PROSER2: variants seen among roughly 807,000 people sequenced by gnomAD.
PROSER2 encodes the protein proline and serine-rich protein 2.
PROSER2 carries 18 observed loss-of-function variants against 14.6 expected under a neutral mutation model. The observed-to-expected ratio is 1.23, with a 90% CI of 0.85 to 1.83. The LOEUF (loss-of-function observed/expected upper bound fraction) is 1.83, where lower values mean the gene tolerates loss of function less well. Among genes scored for constraint, PROSER2 ranks in the 40% most tolerant of loss-of-function variants. PROSER2 has a pLI of 0.00. For missense variants in PROSER2, 823 were observed against 629.8 expected, an observed-to-expected ratio of 1.31 and a Z score of -3.28; for synonymous variants, 367 against 286.4, an observed-to-expected ratio of 1.28 and a Z score of -2.84.
At chr10:11,852,893 A>C (rs1422889399) in intron 2 of PROSER2, among the ~76,000 whole-genome samples, 1 of 52,066 alleles carries the variant, frequency 1.9e-5, no homozygotes, top group Non-Finnish European at 5.3e-5. Context: ...ACTCCTGTGC[A>C]AGTAAAGATG....
In PROSER2 at chr10:11,866,752, C is replaced by T. The variant is rs535093498; in HGVS notation, c.360C>T (p.Ala120=). The change falls in exon 3 of 4, where the codon GCC becomes GCT. Residue 120 remains alanine, a synonymous_variant. Coordinates refer to ENST00000277570, the MANE Select transcript of PROSER2 (RefSeq NM_153256.4). This position sits in a 1 kb window ranked among gnomAD's most constrained non-coding sequence, Gnocchi z 6.0. ...AGCCAGCACCTGGCGCCGGGGAAGCCGAGGGCCTTCCAGAGGGGACCCAGG... is the reference window on the plus strand; with the variant it reads ...AGCCAGCACCTGGCGCCGGGGAAGCTGAGGGCCTTCCAGAGGGGACCCAGG... ...LVQPAPGAGE[A]EGLPEGTQAA... is the part of the protein sequence containing the mutation. 5.9e-5 allele frequency: 95 copies of T among 1,612,892 alleles called. No homozygotes were observed. In the South Asian group the frequency reaches 6.8e-4, roughly 12 times the overall value.
rs558283551 is a variant in PROSER2, at chr10:11,842,931, C to CTTTTTTTTTTTTTTTTTTTTTTT, written c.-81-9061_-81-9039dup. On this transcript the variant is annotated intron_variant, in intron 1 of 3. Coordinates refer to ENST00000277570, the MANE Select transcript of PROSER2 (RefSeq NM_153256.4). ...TTTTCTATACTATTTTGCCATTGTT[C>CTTTTTTTTTTTTTTTTTTTTTTT]TTTTTTTTTTTTTTTTTTTTTTTTT... is the stretch of plus-strand genomic sequence containing the variant. 7.1e-4 allele frequency among the ~76,000 whole-genome samples: 37 copies of CTTTTTTTTTTTTTTTTTTTTTTT among 51,958 alleles called. 8 individuals are homozygous for CTTTTTTTTTTTTTTTTTTTTTTT. Among genetic ancestry groups the CTTTTTTTTTTTTTTTTTTTTTTT allele is most frequent in the East Asian group, 2.6e-3 (5 of 1,900 alleles). 34.1% of individuals were successfully genotyped at this position (51,958 alleles called of 152,430 possible).
intron 1 of PROSER2, among the ~76,000 whole-genome samples, chr10:11,834,101 TCTC>T (rs1169052462): frequency 6.7e-6 from 1 of 149,212 alleles, no homozygotes; most frequent in Non-Finnish European, 1.5e-5. Context: ...TTCAAGCGAT[TCTC>T]CTGCTTCAGG....
chr10:11,831,506 A>G (rs1998637), intron 1 of PROSER2, among the ~76,000 whole-genome samples: 96,747 of 152,016 alleles, frequency 0.64, 31,360 homozygotes, highest in Non-Finnish European at 0.7. Flanking sequence ...AGTAAAAAAC[A>G]TGCAGTGTCT....
intron 1 of PROSER2, among the ~76,000 whole-genome samples, chr10:11,829,018 A>G (rs562249127): frequency 6.6e-6 from 1 of 152,168 alleles, no homozygotes; most frequent in Non-Finnish European, 1.5e-5. Flanking sequence ...GGAATTGAGG[A>G]GTCAGTTATT....
At chr10:11,831,505 C>T (rs546545939) in intron 1 of PROSER2, among the ~76,000 whole-genome samples, 3 of 152,270 alleles carry the variant, frequency 2.0e-5, no homozygotes, top group Admixed American at 2.0e-4. Context: ...GAGTAAAAAA[C>T]ATGCAGTGTC....
chr10:11,855,946 T>C (rs763806741), intron 2 of PROSER2, among the ~76,000 whole-genome samples: 1 of 152,214 alleles, frequency 6.6e-6, no homozygotes, highest in African/African-American at 2.4e-5. Context: ...ATTTTTTTGG[T>C]AAAGAATCCT....
At position 11,869,611 on chromosome 10, in the gene PROSER2, C is replaced by T. The variant is rs777329384; in HGVS notation, c.513C>T (p.Pro171=). ...CCCTGCCTAGCACCCCCGATCCCCC[C>T]AGGAGGGAGCTGCGCGCCCCCTCCC... is the stretch of plus-strand genomic sequence containing the variant. ...PPPLPSTPDP[P]RRELRAPSPP... is the part of the protein sequence containing the mutation. The change falls in exon 4 of 4, where the codon CCC becomes CCT. Residue 171 remains proline, a synonymous_variant. Transcript: ENST00000277570. The surrounding 1 kb of genome is among the most constrained non-coding windows in gnomAD (Gnocchi z 4.4). 3.1e-6 allele frequency: 5 copies of T among 1,604,366 alleles called. No individual in the cohort carries two copies. The highest frequency in any genetic ancestry group is 2.6e-6 in the Non-Finnish European group (3 of 1,173,734).
intron 1 of PROSER2, chr10:11,850,814 G>A (rs1281365145): frequency 6.6e-6 from 1 of 152,250 alleles, no homozygotes; most frequent in African/African-American, 2.4e-5. Flanking sequence ...AAATGGTCAT[G>A]TTTCCATTAA....
Position 11,837,364 on chromosome 10 carries a change from T to C in PROSER2, c.-82+13894T>C, listed in dbSNP as rs955938511. ...GTTATGACCACTGTGTGACAAGTGC[T>C]TAGGGACATTTGTAGGTAGAAGACA... is the stretch of plus-strand genomic sequence containing the variant. On this transcript the variant is annotated intron_variant, in intron 1 of 3. Coordinates refer to ENST00000277570, the MANE Select transcript of PROSER2 (RefSeq NM_153256.4). The surrounding 1 kb of genome is among the most constrained non-coding windows in gnomAD (Gnocchi z 4.6). Among the ~76,000 whole-genome samples, 5 of 152,216 alleles carry C rather than the reference T, an allele frequency of 3.3e-5. No homozygotes were observed. The highest frequency in any genetic ancestry group is 1.3e-4 in the Admixed American group (2 of 15,280).
intron 1 of PROSER2, among the ~76,000 whole-genome samples, chr10:11,841,096 G>C (rs1833840300): frequency 6.7e-6 from 1 of 149,642 alleles, no homozygotes; most frequent in South Asian, 2.1e-4. Flanking sequence ...TTTCTCACCT[G>C]CTTTTCACTA....
intron 1 of PROSER2, among the ~76,000 whole-genome samples, chr10:11,847,129 A>G (rs1833933204): frequency 7.1e-6 from 1 of 140,634 alleles, no homozygotes; most frequent in Non-Finnish European, 1.5e-5. Context: ...CCTATTCTTA[A>G]AGAAAAAAAA....
intron 1 of PROSER2, among the ~76,000 whole-genome samples, chr10:11,834,758 G>T (rs536728932): frequency 6.6e-6 from 1 of 151,550 alleles, no homozygotes; most frequent in East Asian, 1.9e-4. Context: ...CATAAAACTC[G>T]GCCACCTTGC....
chr10:11,827,076 G>A (rs781477448), intron 1 of PROSER2, among the ~76,000 whole-genome samples: 1 of 151,352 alleles, frequency 6.6e-6, no homozygotes, highest in Non-Finnish European at 1.5e-5. Context: ...TGTAGAGACT[G>A]GGTTTTGCCA....
At chr10:11,842,066 C>CA (rs1337668895) in intron 1 of PROSER2, among the ~76,000 whole-genome samples, 2 of 151,966 alleles carry the variant, frequency 1.3e-5, no homozygotes, top group Non-Finnish European at 2.9e-5. Flanking sequence ...TACTAAAATA[C>CA]AAAAAATTTG....
rs765393247 is a variant in PROSER2 at position 11,852,104 on chromosome 10, C to T, written c.27C>T (p.Asp9=). The stretch of plus-strand genomic sequence containing the variant: ...TGCCTGTAACCCACCGGAAATCAGA[C>T]GCATCTGACATGAACTCAGACACGT... MPVTHRKS[D]ASDMNSDTSP... is the part of the protein sequence containing the mutation. Residue 9 remains aspartate (D), a synonymous_variant, in exon 2 of 4, where the codon GAC becomes GAT. Coordinates refer to ENST00000277570, the MANE Select transcript of PROSER2 (RefSeq NM_153256.4). 2.6e-5 allele frequency: 42 copies of T among 1,612,130 alleles called. No homozygotes were observed. Among genetic ancestry groups the T allele is most frequent in the South Asian group, 6.6e-5 (6 of 90,704 alleles).
At chr10:11,851,759 G>GA (rs918729414) in intron 1 of PROSER2, 443 of 172,240 alleles carry the variant, frequency 2.6e-3, no homozygotes, top group East Asian at 5.6e-3. Flanking sequence ...CTCTATCTCT[G>GA]AAAAAAAAAC....
chr10:11,828,963 T>C (rs1427645574), intron 1 of PROSER2, among the ~76,000 whole-genome samples: 1 of 152,074 alleles, frequency 6.6e-6, no homozygotes. Context: ...GCATTTGAGC[T>C]GGGCCAACAA....
intron 2 of PROSER2, among the ~76,000 whole-genome samples, chr10:11,861,565 G>A (rs1834238775): frequency 1.3e-5 from 2 of 152,164 alleles, no homozygotes; most frequent in African/African-American, 4.8e-5. Context: ...GTGCACGGAT[G>A]GGCGTCGCTG....
Sources: gnomAD v4.1 joint callset for allele counts (sites outside exome capture counted in the v4.1 genomes callset) on GRCh38, gnomAD v4.1.1 for gene constraint, Gnocchi (gnomAD v3.1) non-coding constraint, MANE v1.5 for transcripts, NCBI Gene and HGNC (gene_info 2026-07-23, HGNC 2026-07-21) for gene names.